Variants in LOC128462377 observed in about 807,000 individuals in gnomAD.
chr16:89,368,644 A>C, the LOC128462377 span, among the ~76,000 whole-genome samples: 1 of 150,690 alleles, frequency 6.6e-6, no homozygotes, highest in Non-Finnish European at 1.5e-5. Context: ...GCCATGGCTC[A>C]CATCTGTAAT....
the LOC128462377 span, among the ~76,000 whole-genome samples, chr16:89,410,831 G>T: frequency 6.6e-6 from 1 of 152,236 alleles, no homozygotes; most frequent in Admixed American, 6.5e-5. Context: ...GAAGGGGGTG[G>T]GGAGTGGCCA....
At chr16:89,318,960 C>A in the LOC128462377 span, among the ~76,000 whole-genome samples, 3 of 152,174 alleles carry the variant, frequency 2.0e-5, no homozygotes, top group African/African-American at 7.2e-5. Context: ...CACCACAAAA[C>A]CGGAATGTCT....
the LOC128462377 span, among the ~76,000 whole-genome samples, chr16:89,356,633 T>G: frequency 0.38 from 55,605 of 146,098 alleles, 12,635 homozygotes; most frequent in Middle Eastern, 0.56. Context: ...AAAAAAAAAT[T>G]AGCCAGGCGT....
the LOC128462377 span, among the ~76,000 whole-genome samples, chr16:89,407,686 T>G: frequency 5.3e-5 from 8 of 150,150 alleles, no homozygotes; most frequent in East Asian, 1.9e-4. Context: ...CACACACACA[T>G]AGACACACAC....
At chr16:89,371,631 G>A in the LOC128462377 span, among the ~76,000 whole-genome samples, 8 of 152,092 alleles carry the variant, frequency 5.3e-5, no homozygotes, top group Non-Finnish European at 1.2e-4. Flanking sequence ...CCCACATGAC[G>A]ACACCCAAGG....
chr16:89,416,345 G>A, the LOC128462377 span, among the ~76,000 whole-genome samples: 2 of 151,974 alleles, frequency 1.3e-5, no homozygotes, highest in African/African-American at 4.8e-5. Context: ...TGTCGCCCAG[G>A]CTCAAGTGCG....
At chr16:89,368,835 C>T in the LOC128462377 span, among the ~76,000 whole-genome samples, 8 of 152,042 alleles carry the variant, frequency 5.3e-5, no homozygotes, top group Non-Finnish European at 1.2e-4. Flanking sequence ...AGGAGGTTGA[C>T]GCCACAGTGA....
chr16:89,407,179 C>G, the LOC128462377 span, among the ~76,000 whole-genome samples: 41 of 151,578 alleles, frequency 2.7e-4, no homozygotes, highest in South Asian at 7.2e-3. Flanking sequence ...GAGCGAAACC[C>G]CGTCTCAAAA....
chr16:89,358,323 A>G, the LOC128462377 span, among the ~76,000 whole-genome samples: 1 of 152,234 alleles, frequency 6.6e-6, no homozygotes, highest in Admixed American at 6.5e-5. Context: ...ACAGCTGCAT[A>G]TTCACGGGAG....
the LOC128462377 span, among the ~76,000 whole-genome samples, chr16:89,384,996 C>T: frequency 7.1e-6 from 1 of 141,050 alleles, no homozygotes; most frequent in Non-Finnish European, 1.5e-5. Flanking sequence ...AGTGATTCTC[C>T]TGACTCAGCC....
the LOC128462377 span, chr16:89,324,650 A>G: frequency 5.2e-6 from 2 of 381,784 alleles, no homozygotes; most frequent in African/African-American, 2.1e-5. Flanking sequence ...TCCAGCCTCC[A>G]TCTTTCTTCC....
the LOC128462377 span, among the ~76,000 whole-genome samples, chr16:89,369,614 AG>A: frequency 1.5e-3 from 225 of 152,262 alleles, no homozygotes; most frequent in Non-Finnish European, 2.6e-3. Flanking sequence ...CTGGAAAGGG[AG>A]GGGGTGCGGT....
the LOC128462377 span, among the ~76,000 whole-genome samples, chr16:89,408,751 G>T: frequency 1.3e-5 from 2 of 152,102 alleles, no homozygotes; most frequent in African/African-American, 4.8e-5. Context: ...CTGATCAGCC[G>T]TGGAATCCTG....
chr16:89,337,007 C>CAAA, the LOC128462377 span, among the ~76,000 whole-genome samples: 41 of 47,742 alleles, frequency 8.6e-4, no homozygotes, highest in East Asian at 2.6e-3. Context: ...CTGGCTCTAC[C>CAAA]AAAAAAAAAA....
At chr16:89,348,273 C>T in the LOC128462377 span, among the ~76,000 whole-genome samples, 2 of 152,154 alleles carry the variant, frequency 1.3e-5, no homozygotes, top group Non-Finnish European at 2.9e-5. Context: ...GATGATCTTA[C>T]GGCATTTCAT....
At chr16:89,399,397 C>G in the LOC128462377 span, among the ~76,000 whole-genome samples, 1 of 152,292 alleles carries the variant, frequency 6.6e-6, no homozygotes, top group Admixed American at 6.5e-5. Context: ...TGAGTGAAAG[C>G]AGCCCGTCTC....
chr16:89,407,672 C>CAG, the LOC128462377 span, among the ~76,000 whole-genome samples: 2 of 151,970 alleles, frequency 1.3e-5, no homozygotes, highest in African/African-American at 4.8e-5. Flanking sequence ...CACACATACA[C>CAG]ACACACACAC....
At chr16:89,318,938 C>T in the LOC128462377 span, among the ~76,000 whole-genome samples, 1 of 152,190 alleles carries the variant, frequency 6.6e-6, no homozygotes, top group Non-Finnish European at 1.5e-5. Context: ...TTTACATTCT[C>T]TTCCAATTTT....
chr16:89,388,073 CAA>C, the LOC128462377 span, among the ~76,000 whole-genome samples: 1 of 151,608 alleles, frequency 6.6e-6, no homozygotes. Context: ...TTCAGACTTA[CAA>C]AAAAGTTGCA....
Sources: gnomAD v4.1 joint callset for allele counts (sites outside exome capture counted in the v4.1 genomes callset) on GRCh38, gnomAD v4.1.1 for gene constraint, MANE v1.5 for transcripts.